The following ITIH5 variants were observed in gnomAD, a reference collection of about 807,000 sequenced individuals.
ITIH5 encodes the protein inter-alpha-trypsin inhibitor heavy chain H5.
A neutral mutation model predicts 77.5 loss-of-function variants in ITIH5; 65 were observed. The ratio of observed to expected loss-of-function variants is 0.84; its 90% CI spans 0.69 to 1.03. ITIH5 has a LOEUF of 1.03. Ranked by LOEUF, ITIH5 falls within the 50% of genes least tolerant of loss-of-function variation. The probability of loss-of-function intolerance (pLI) is 0.00; values close to 1 mark genes in which losing one functional copy is unlikely to be tolerated. For missense variants in ITIH5, 1,208 were observed against 1,213.1 expected (o/e 1.00, Z 0.06); for synonymous variants, 525 against 494.3 (o/e 1.06, Z -0.82).
chr10:7,592,185 T>C (rs1209723332), intron 7 of ITIH5, among the ~76,000 whole-genome samples: 1 of 152,192 alleles, frequency 6.6e-6, no homozygotes, highest in East Asian at 1.9e-4. Flanking sequence ...TCTGGTTTAT[T>C]ATTGTATATT....
At chr10:7,598,142 C>T (rs1036330263) in intron 7 of ITIH5, among the ~76,000 whole-genome samples, 1 of 152,170 alleles carries the variant, frequency 6.6e-6, no homozygotes, top group African/African-American at 2.4e-5. Flanking sequence ...AATCAATGAT[C>T]GTGCAATGCC....
chr10:7,587,672 CA>C (rs1832709590), intron 7 of ITIH5, among the ~76,000 whole-genome samples: 1 of 152,212 alleles, frequency 6.6e-6, no homozygotes, highest in Admixed American at 6.5e-5. Flanking sequence ...GGGCTCTGAG[CA>C]GGGCCAGCCA....
chr10:7,583,717 G>A (rs1422593554), intron 8 of ITIH5, among the ~76,000 whole-genome samples: 21 of 152,018 alleles, frequency 1.4e-4, no homozygotes, highest in Non-Finnish European at 5.9e-5. Context: ...TTTTTCTCTT[G>A]TCTCTATTCA....
At chr10:7,631,214 T>C (rs1833706458) in intron 5 of ITIH5, among the ~76,000 whole-genome samples, 1 of 152,168 alleles carries the variant, frequency 6.6e-6, no homozygotes, top group Non-Finnish European at 1.5e-5. Flanking sequence ...TTTGATTTCA[T>C]TGGCATGGGT....
chr10:7,609,406 T>A (rs1217902369), intron 7 of ITIH5: 7 of 455,388 alleles, frequency 1.5e-5, no homozygotes, highest in Non-Finnish European at 3.1e-5. Context: ...CCATGGAGCT[T>A]ACAAATTACT....
At position 7,561,892 on chromosome 10, in the gene ITIH5, C is replaced by G. The variant is rs7909044; in HGVS notation, c.*1191G>C. 1 of 152,168 alleles carries G rather than the reference C, an allele frequency of 6.6e-6. No homozygotes were observed. Among genetic ancestry groups the G allele is most frequent in the African/African-American group, 2.4e-5 (1 of 41,406 alleles). 9.4% of individuals were successfully genotyped at this position (152,168 alleles called of 1,614,324 possible). On this transcript the variant is annotated 3_prime_UTR_variant, in exon 14 of 14. Coordinates refer to ENST00000397146, the MANE Select transcript of ITIH5 (RefSeq NM_030569.7). ...AGTCTTTCTTTCTCTGCTGTTTCGCCCAAGCGCTCCCGGTATCCGTCCGCT... is the reference window on the plus strand; with the variant it reads ...AGTCTTTCTTTCTCTGCTGTTTCGCGCAAGCGCTCCCGGTATCCGTCCGCT...
chr10:7,633,862 G>T (rs569625228), intron 5 of ITIH5, among the ~76,000 whole-genome samples: 14 of 152,054 alleles, frequency 9.2e-5, no homozygotes, highest in South Asian at 4.2e-4. Flanking sequence ...GGCCGAGGCG[G>T]GCGGATCACG....
At chr10:7,575,190 T>C (rs1211681330) in intron 10 of ITIH5, among the ~76,000 whole-genome samples, 1 of 152,214 alleles carries the variant, frequency 6.6e-6, no homozygotes, top group Non-Finnish European at 1.5e-5. Flanking sequence ...AAACTCACTG[T>C]GTGCCCACGG....
In ITIH5 at chr10:7,560,759, A is replaced by C. The variant is rs1039363486; in HGVS notation, c.*2324T>G. 6.6e-6 allele frequency: 1 copy of C among 152,184 alleles called. No homozygotes were observed. Among genetic ancestry groups the C allele is most frequent in the Non-Finnish European group, 1.5e-5 (1 of 68,042 alleles). 9.4% of individuals were successfully genotyped at this position (152,184 alleles called of 1,614,324 possible). On this transcript the variant is annotated 3_prime_UTR_variant, in exon 14 of 14. Coordinates refer to ENST00000397146, the MANE Select transcript of ITIH5 (RefSeq NM_030569.7). Reference sequence around the variant, plus strand: ...CTCATTCAATTACTCATTTTGGAACAACCCTCGCCCTGGTTTATAAATGCT... The same window carrying C: ...CTCATTCAATTACTCATTTTGGAACCACCCTCGCCCTGGTTTATAAATGCT...
rs79555612 is a variant in ITIH5, at chr10:7,564,346, G to A, written c.2528-962C>T. Among the ~76,000 whole-genome samples the A allele has an allele frequency of 4.2e-3, 635 of 152,212 alleles. 15 individuals carry two copies. In the East Asian group the frequency reaches 0.052, roughly 12 times the overall value. ...GTAATCGAATTTTCATATTACATAT[G>A]TAATTTTCATGTTACATATATAGTC... On this transcript the variant is annotated intron_variant, in intron 13 of 13. Coordinates refer to ENST00000397146, the MANE Select transcript of ITIH5 (RefSeq NM_030569.7).
chr10:7,666,259 C>T (rs1834359356), intron 1 of ITIH5, among the ~76,000 whole-genome samples: 1 of 152,074 alleles, frequency 6.6e-6, no homozygotes, highest in African/African-American at 2.4e-5. Flanking sequence ...CACAGACCAG[C>T]AACTCGAGGA....
chr10:7,644,845 T>C (rs1833976571), intron 2 of ITIH5, among the ~76,000 whole-genome samples: 1 of 139,250 alleles, frequency 7.2e-6, no homozygotes, highest in Admixed American at 7.4e-5. Context: ...ATATCACATA[T>C]ATATCACATA....
intron 2 of ITIH5, among the ~76,000 whole-genome samples, chr10:7,642,321 T>A (rs1411692033): frequency 6.6e-6 from 1 of 152,090 alleles, no homozygotes; most frequent in Non-Finnish European, 1.5e-5. Flanking sequence ...CACAAGCAAA[T>A]CTTTTAACCT....
intron 7 of ITIH5, among the ~76,000 whole-genome samples, chr10:7,613,736 G>A: frequency 6.6e-6 from 1 of 152,190 alleles, no homozygotes; most frequent in East Asian, 1.9e-4. Flanking sequence ...GACCACTTGT[G>A]TCTCAAGGAT....
rs143806315 is a variant in ITIH5 at position 7,637,477 on chromosome 10, C to G, written c.403G>C (p.Glu135Gln). The stretch of plus-strand genomic sequence containing the variant: ...GCTCTGAATATTTCAGTCCCCTTCT[C>G]TCTGTCAGGAAAAAGGAAAAGGACC... ...KRNKTTEENG[E>Q]KGTEIFRASA... Residue 135 changes from glutamate (E) to glutamine (Q), a missense_variant and splice_region_variant, in exon 5 of 14, where the codon GAG becomes CAG. By Grantham distance (29) the Glu-to-Gln change is conservative. Transcript: ENST00000397146. 2.5e-6 allele frequency: 4 copies of G among 1,613,262 alleles called. No individual in the cohort carries two copies. Among genetic ancestry groups the G allele is most frequent in the Non-Finnish European group, 3.4e-6 (4 of 1,179,862 alleles).
chr10:7,598,213 T>G (rs977627578), intron 7 of ITIH5, among the ~76,000 whole-genome samples: 1 of 152,146 alleles, frequency 6.6e-6, no homozygotes, highest in Non-Finnish European at 1.5e-5. Context: ...ATTATATAAT[T>G]CATATTAAAA....
chr10:7,603,757 G>C (rs986232060), intron 7 of ITIH5, among the ~76,000 whole-genome samples: 2 of 151,966 alleles, frequency 1.3e-5, no homozygotes, highest in African/African-American at 4.8e-5. Flanking sequence ...TAATTTTTTT[G>C]TATTTTTAGT....
At chr10:7,649,575 C>T (rs1834063769) in intron 2 of ITIH5, among the ~76,000 whole-genome samples, 1 of 152,098 alleles carries the variant, frequency 6.6e-6, no homozygotes, top group Non-Finnish European at 1.5e-5. Flanking sequence ...GACTATAAGA[C>T]CTTCCAGTGT....
At chr10:7,596,676 T>A (rs1477869734) in intron 7 of ITIH5, among the ~76,000 whole-genome samples, 1 of 151,938 alleles carries the variant, frequency 6.6e-6, no homozygotes, top group Non-Finnish European at 1.5e-5. Flanking sequence ...GAGTTGACAT[T>A]TTCCTTCCCA....
Sources: allele counts gnomAD v4.1 joint callset (sites outside exome capture counted in the v4.1 genomes callset), GRCh38; gene constraint gnomAD v4.1.1; transcripts MANE v1.5; gene names NCBI Gene and HGNC (gene_info 2026-07-23, HGNC 2026-07-21).